SLC35E2B: variants seen among roughly 807,000 people sequenced by gnomAD.
SLC35E2B encodes solute carrier family 35, member E2B.
In SLC35E2B, 18 loss-of-function variants were observed where a neutral mutation model predicts 32.4. The observed-to-expected ratio is 0.56, with a 90% CI of 0.38 to 0.82. The LOEUF is 0.82. Ranked by LOEUF, SLC35E2B falls within the 40% of genes least tolerant of loss-of-function variation. The pLI is 0.00. For synonymous variants in SLC35E2B, 132 were observed against 209.1 expected (o/e 0.63, Z 3.18); for missense variants, 263 against 469.5 (o/e 0.56, Z 4.06).
At position 1,671,605 on chromosome 1, in the gene SLC35E2B, A is replaced by T; in HGVS notation, c.611T>A (p.Ile204Asn). The T allele has an allele frequency of 1.3e-6, 2 of 1,547,954 alleles. No individual in the cohort carries two copies. The highest frequency in any genetic ancestry group is 8.7e-7 in the Non-Finnish European group (1 of 1,145,454). Residue 204 changes from isoleucine to asparagine, a missense_variant, in exon 6 of 10, where the codon ATC becomes AAC. This residue lies in a region of SLC35E2B where 129 missense variants were observed against 164.5 expected (regional missense o/e 0.78). Coordinates refer to ENST00000617444, the MANE Select transcript of SLC35E2B (RefSeq NM_001290264.2). ...YTGLLVNLSL[I>N]PVMGGLALCT... Reference sequence around the variant, plus strand: ...CAGCGCCAGCCCGCCCATGACTGGGATGAGGGAGAGGTTGACCAGCAGCCC... The same window carrying T: ...CAGCGCCAGCCCGCCCATGACTGGGTTGAGGGAGAGGTTGACCAGCAGCCC...
intron 2 of SLC35E2B, among the ~76,000 whole-genome samples, chr1:1,677,743 C>A (rs1643866139): frequency 6.6e-6 from 1 of 151,946 alleles, no homozygotes; most frequent in Non-Finnish European, 1.5e-5. Context: ...ACCTCGGCCT[C>A]CTAAAGTTCC....
chr1:1,678,377 A>C (rs1025151176), intron 2 of SLC35E2B, among the ~76,000 whole-genome samples: 1 of 151,642 alleles, frequency 6.6e-6, no homozygotes, highest in African/African-American at 2.4e-5. Context: ...TGGCCTCCCC[A>C]TACCCGGGAA....
Position 1,664,156 on chromosome 1 carries a change from C to T in SLC35E2B, c.*1626G>A, listed in dbSNP as rs1643479788. The T allele has an allele frequency of 7.6e-6, 3 of 396,068 alleles. No homozygotes were observed. The highest frequency in any genetic ancestry group is 6.5e-5 in the African/African-American group (3 of 46,292). 24.5% of individuals were successfully genotyped at this position (396,068 alleles called of 1,614,324 possible). A position where few individuals can be genotyped will look rare whatever the true frequency, so the allele number is the denominator to read the frequency against. Reference sequence around the variant, plus strand: ...CAAGATCATGCCACTGTACTCCAGCCTGGGTGACAGACAGAGCAAGACTGT... The same window carrying T: ...CAAGATCATGCCACTGTACTCCAGCTTGGGTGACAGACAGAGCAAGACTGT... On this transcript the variant is annotated 3_prime_UTR_variant, in exon 10 of 10. Coordinates refer to ENST00000617444, the MANE Select transcript of SLC35E2B (RefSeq NM_001290264.2).
intron 8 of SLC35E2B, among the ~76,000 whole-genome samples, chr1:1,669,433 T>C (rs1411690758): frequency 6.6e-6 from 1 of 151,940 alleles, no homozygotes; most frequent in Non-Finnish European, 1.5e-5. Context: ...AGTTGAATGA[T>C]GAAGAATCAA....
chr1:1,672,001 G>A, intron 5 of SLC35E2B: 1 of 172,626 alleles, frequency 5.8e-6, no homozygotes, highest in South Asian at 1.9e-4. Flanking sequence ...GGCCGGGAGG[G>A]GGATGCCCAC....
chr1:1,669,345 C>T (rs1285734799), intron 8 of SLC35E2B, among the ~76,000 whole-genome samples: 1 of 150,420 alleles, frequency 6.6e-6, no homozygotes, highest in Non-Finnish European at 1.5e-5. Context: ...GGATACAGAG[C>T]GAGACTCTTT....
intron 2 of SLC35E2B, among the ~76,000 whole-genome samples, chr1:1,679,459 T>G (rs1201007059): frequency 6.6e-6 from 1 of 152,078 alleles, no homozygotes; most frequent in East Asian, 1.9e-4. Flanking sequence ...ACCCTAATGT[T>G]TGCTCACAAT....
chr1:1,688,027 G>A (rs909638248), intron 2 of SLC35E2B, among the ~76,000 whole-genome samples: 3 of 152,134 alleles, frequency 2.0e-5, no homozygotes, highest in Admixed American at 6.6e-5. Flanking sequence ...TGTTGGCTGC[G>A]CCGAAAGTTT....
At chr1:1,689,369 G>A (rs1157377475) in intron 2 of SLC35E2B, among the ~76,000 whole-genome samples, 1 of 151,778 alleles carries the variant, frequency 6.6e-6, no homozygotes, top group Non-Finnish European at 1.5e-5. Context: ...CTGTGCTGCT[G>A]GAGGGTCCGA....
chr1:1,668,861 G>T (rs1184837476), intron 8 of SLC35E2B, among the ~76,000 whole-genome samples: 1 of 151,880 alleles, frequency 6.6e-6, no homozygotes, highest in African/African-American at 2.4e-5. Flanking sequence ...CGTGGTGGTG[G>T]GCGCCTGTAA....
intron 5 of SLC35E2B, among the ~76,000 whole-genome samples, chr1:1,673,831 T>C (rs1643768483): frequency 6.6e-6 from 1 of 150,822 alleles, no homozygotes; most frequent in African/African-American, 2.4e-5. Context: ...GACGCAGTGG[T>C]GGGCGCCTGT....
chr1:1,686,054 G>C (rs550584602), intron 2 of SLC35E2B, among the ~76,000 whole-genome samples: 10 of 152,190 alleles, frequency 6.6e-5, no homozygotes, highest in African/African-American at 1.4e-4. Context: ...GCCCAGGCTG[G>C]AGTGCAATGG....
Position 1,662,787 on chromosome 1 carries a change from A to G in SLC35E2B, c.*2995T>C. On this transcript the variant is annotated 3_prime_UTR_variant, in exon 10 of 10. Coordinates refer to ENST00000617444, the MANE Select transcript of SLC35E2B (RefSeq NM_001290264.2). ...GATGACCCAATTCGGGAGGTGGTTC[A>G]AGTGTTCTGTTCGTTTACAAAAGCA... 1 of 760,516 alleles carries G rather than the reference A, an allele frequency of 1.3e-6. No individual in the cohort carries two copies. The highest frequency in any genetic ancestry group is 1.6e-6 in the Non-Finnish European group (1 of 620,910). The allele number at this position is 760,516 out of a possible 1,614,324, so 47.1% of individuals were successfully genotyped here. A position where few individuals can be genotyped will look rare whatever the true frequency, so the allele number is the denominator to read the frequency against.
At chr1:1,689,576 G>A (rs1332595073) in intron 2 of SLC35E2B, among the ~76,000 whole-genome samples, 1 of 151,520 alleles carries the variant, frequency 6.6e-6, no homozygotes. Flanking sequence ...ATGTCTTCCT[G>A]ACCCTTTTTG....
At chr1:1,686,186 T>A (rs866333897) in intron 2 of SLC35E2B, among the ~76,000 whole-genome samples, 1 of 152,068 alleles carries the variant, frequency 6.6e-6, no homozygotes, top group Non-Finnish European at 1.5e-5. Flanking sequence ...GTATTTTTAG[T>A]AGAGACGGGT....
chr1:1,680,444 T>C (rs2101110653), intron 2 of SLC35E2B, among the ~76,000 whole-genome samples: 1 of 152,318 alleles, frequency 6.6e-6, no homozygotes, highest in Middle Eastern at 3.4e-3. Context: ...AATGGACCCA[T>C]TCTGGCAAGA....
intron 2 of SLC35E2B, among the ~76,000 whole-genome samples, chr1:1,680,127 CA>C (rs886687306): frequency 1.5e-4 from 21 of 144,358 alleles, no homozygotes; most frequent in Admixed American, 2.1e-4. Context: ...AACTCCGTCT[CA>C]AAAAAAAAAA....
intron 9 of SLC35E2B, among the ~76,000 whole-genome samples, chr1:1,666,886 G>A (rs1164361768): frequency 3.3e-5 from 5 of 151,706 alleles, no homozygotes; most frequent in African/African-American, 4.8e-5. Flanking sequence ...CGGGCGGATC[G>A]CCTGAGGTCA....
intron 9 of SLC35E2B, among the ~76,000 whole-genome samples, chr1:1,666,470 C>T (rs900687501): frequency 1.3e-5 from 2 of 149,264 alleles, no homozygotes; most frequent in African/African-American, 5.2e-5. Flanking sequence ...AAGTGATCTT[C>T]CCACCTGGGC....
Sources: gnomAD v4.1 joint callset for allele counts (sites outside exome capture counted in the v4.1 genomes callset) on GRCh38, gnomAD v4.1.1 for gene constraint, gnomAD v4.1.1 regional missense constraint, MANE v1.5 for transcripts, NCBI Gene and HGNC (gene_info 2026-07-23, HGNC 2026-07-21) for gene names.